PPM1E: variants seen among roughly 807,000 people sequenced by gnomAD.
PPM1E encodes the protein protein phosphatase, Mg2+/Mn2+ dependent 1E, also known as protein phosphatase 1E.
Under a neutral mutation model 65.9 loss-of-function variants are expected in PPM1E, and 20 were observed. The observed-to-expected ratio is 0.30, with a 90% CI of 0.21 to 0.44. The LOEUF (loss-of-function observed/expected upper bound fraction) is 0.44, where lower values mean the gene tolerates loss of function less well. PPM1E is among the 20% of genes least tolerant of loss of function. PPM1E has a pLI of 1.00. For synonymous variants in PPM1E, 352 were observed against 374.9 expected, an observed-to-expected ratio of 0.94 and a Z score of 0.70; for missense variants, 713 against 953.1, an observed-to-expected ratio of 0.75 and a Z score of 3.32.
chr17:58,935,891 T>C lies in PPM1E; in HGVS notation c.465-19758T>C, dbSNP rs147538512. Among the ~76,000 whole-genome samples the C allele has an allele frequency of 5.9e-3, 892 of 152,108 alleles. 6 individuals are homozygous for C. The highest frequency in any genetic ancestry group is 9.5e-3 in the African/African-American group (395 of 41,472). The stretch of plus-strand genomic sequence containing the variant: ...AATGTGCAGGTTAGTTACATATGTA[T>C]ACATGTGCCATGCTGGTGTGCTGCA... On this transcript the variant is annotated intron_variant, in intron 1 of 6. Transcript: ENST00000308249.
chr17:58,917,253 T>A (rs2051695513), intron 1 of PPM1E, among the ~76,000 whole-genome samples: 1 of 151,736 alleles, frequency 6.6e-6, no homozygotes, highest in African/African-American at 2.4e-5. Context: ...TCATTGAAAA[T>A]TAAAAGATAC....
At chr17:58,880,279 C>A (rs2051180235) in intron 1 of PPM1E, among the ~76,000 whole-genome samples, 1 of 152,156 alleles carries the variant, frequency 6.6e-6, no homozygotes, top group South Asian at 2.1e-4. Context: ...CTAGAAGGAT[C>A]TTTTTGCACC....
chr17:58,981,758 GA>G lies in PPM1E; in HGVS notation c.*730del, dbSNP rs60069314. 1 allele frequency: 152,087 copies of G among 152,708 alleles called. 75,736 individuals carry two copies. The highest frequency in any genetic ancestry group is 1 in the Middle Eastern group (294 of 294). The allele number at this position is 152,708 out of a possible 1,614,324, so 9.5% of individuals were successfully genotyped here. On this transcript the variant is annotated 3_prime_UTR_variant, in exon 7 of 7. Coordinates refer to ENST00000308249, the MANE Select transcript of PPM1E (RefSeq NM_014906.5). ...ATAACCTGTTATGGTGCTTTTGGTG[GA>G]AATTTTTATTATTTAGCATTTTAGG...
At chr17:58,829,944 G>C (rs1237688143) in intron 1 of PPM1E, among the ~76,000 whole-genome samples, 2 of 152,124 alleles carry the variant, frequency 1.3e-5, no homozygotes, top group Non-Finnish European at 2.9e-5. Context: ...ACCTTGGGAG[G>C]CCAAGGCAGG....
chr17:58,892,559 C>G (rs2051360841), intron 1 of PPM1E, among the ~76,000 whole-genome samples: 1 of 151,922 alleles, frequency 6.6e-6, no homozygotes, highest in Admixed American at 6.6e-5. Flanking sequence ...GGTGACAGAG[C>G]AAGAGAAACC....
intron 1 of PPM1E, among the ~76,000 whole-genome samples, chr17:58,793,846 A>G (rs528167410): frequency 1.3e-5 from 2 of 152,028 alleles, no homozygotes; most frequent in Admixed American, 6.6e-5. Context: ...TGTATATACC[A>G]CTTTTATTTT....
At chr17:58,811,370 A>G (rs2143096338) in intron 1 of PPM1E, among the ~76,000 whole-genome samples, 1 of 152,358 alleles carries the variant, frequency 6.6e-6, no homozygotes, top group Admixed American at 6.5e-5. Flanking sequence ...CTGTAATACC[A>G]TAAAATAGGA....
At chr17:58,857,658 C>A (rs2050896908) in intron 1 of PPM1E, among the ~76,000 whole-genome samples, 1 of 152,002 alleles carries the variant, frequency 6.6e-6, no homozygotes, top group Admixed American at 6.6e-5. Flanking sequence ...TTGCTTCTTT[C>A]TTTTGCGGTC....
At chr17:58,762,862 C>T (rs2049835949) in intron 1 of PPM1E, among the ~76,000 whole-genome samples, 1 of 147,426 alleles carries the variant, frequency 6.8e-6, no homozygotes, top group Admixed American at 6.9e-5. Context: ...CCCGCCACTG[C>T]ACTCCAGCCT....
rs2049752521 is a variant in PPM1E, at chr17:58,755,874, T to G, written c.-124T>G. The G allele has an allele frequency of 6.7e-7, 1 of 1,499,934 alleles. No homozygotes were observed. Among genetic ancestry groups the G allele is most frequent in the African/African-American group, 1.4e-5 (1 of 72,290 alleles). 92.9% of individuals were successfully genotyped at this position (1,499,934 alleles called of 1,614,324 possible). On this transcript the variant is annotated 5_prime_UTR_variant, in exon 1 of 7. Transcript: ENST00000308249. ...GAGCCCTCTCCAGGCAACCTAGTGC[T>G]GATCGCTCGTGCCGGTGCGGCCGTT...
intron 1 of PPM1E, among the ~76,000 whole-genome samples, chr17:58,852,704 A>G (rs1363342222): frequency 6.6e-6 from 1 of 151,800 alleles, no homozygotes; most frequent in African/African-American, 2.4e-5. Flanking sequence ...CCTGGGTTCA[A>G]GTGATTCTCC....
At chr17:58,825,425 A>G (rs2050525700) in intron 1 of PPM1E, among the ~76,000 whole-genome samples, 1 of 152,140 alleles carries the variant, frequency 6.6e-6, no homozygotes, top group African/African-American at 2.4e-5. Flanking sequence ...AAAACAAACA[A>G]AAACTTCTGA....
intron 1 of PPM1E, among the ~76,000 whole-genome samples, chr17:58,929,831 T>C (rs147674075): frequency 7.7e-4 from 117 of 152,304 alleles, no homozygotes; most frequent in African/African-American, 2.6e-3. Context: ...ACAGAACCAA[T>C]AGAGATACAA....
chr17:58,846,190 C>T (rs930254315), intron 1 of PPM1E, among the ~76,000 whole-genome samples: 1 of 152,048 alleles, frequency 6.6e-6, no homozygotes, highest in Non-Finnish European at 1.5e-5. Flanking sequence ...CATAGAATTG[C>T]TGGGTCATTT....
intron 1 of PPM1E, among the ~76,000 whole-genome samples, chr17:58,820,875 C>G (rs987938308): frequency 1.3e-5 from 2 of 151,998 alleles, no homozygotes; most frequent in African/African-American, 2.4e-5. Flanking sequence ...TTTAGACAAA[C>G]AGATTGCTGT....
intron 1 of PPM1E, among the ~76,000 whole-genome samples, chr17:58,784,714 G>A (rs1272476943): frequency 2.0e-5 from 3 of 151,812 alleles, no homozygotes; most frequent in Admixed American, 6.6e-5. Context: ...TAGTAGAGAC[G>A]TAGTTTCCCC....
At chr17:58,800,235 CATT>C (rs771337100) in intron 1 of PPM1E, among the ~76,000 whole-genome samples, 4 of 151,936 alleles carry the variant, frequency 2.6e-5, no homozygotes, top group Non-Finnish European at 4.4e-5. Context: ...TTTTTTCAAA[CATT>C]AAACCAACAT....
At chr17:58,898,267 A>C (rs558151718) in intron 1 of PPM1E, among the ~76,000 whole-genome samples, 1 of 152,024 alleles carries the variant, frequency 6.6e-6, no homozygotes, top group Non-Finnish European at 1.5e-5. Flanking sequence ...AAAAAAAAAA[A>C]AACTATCTAC....
intron 2 of PPM1E, among the ~76,000 whole-genome samples, chr17:58,959,025 G>A (rs1182339727): frequency 6.6e-6 from 1 of 152,030 alleles, no homozygotes; most frequent in Non-Finnish European, 1.5e-5. Context: ...AAAATCTTAA[G>A]TAGGCCTGGT....
Sources: gnomAD v4.1 joint callset for allele counts (sites outside exome capture counted in the v4.1 genomes callset) on GRCh38, gnomAD v4.1.1 for gene constraint, MANE v1.5 for transcripts, NCBI Gene and HGNC (gene_info 2026-07-23, HGNC 2026-07-21) for gene names.